The following DOT1L variants were observed in gnomAD, a reference collection of about 807,000 sequenced individuals.
DOT1L encodes histone-lysine N-methyltransferase, H3 lysine-79 specific.
Under a neutral mutation model 153.3 loss-of-function variants are expected in DOT1L, and 33 were observed. The observed-to-expected ratio is 0.22, with a 90% CI of 0.16 to 0.29. The LOEUF is 0.29. Ranked by LOEUF, DOT1L falls within the 10% of genes least tolerant of loss-of-function variation. The pLI, the probability that DOT1L is intolerant of heterozygous loss-of-function variation, is 1.00. For missense variants in DOT1L, 1,847 were observed against 2,119.9 expected, an observed-to-expected ratio of 0.87 and a Z score of 2.53; for synonymous variants, 1,135 against 965.1, an observed-to-expected ratio of 1.18 and a Z score of -3.26.
At position 2,216,630 on chromosome 19, in the gene DOT1L, C is replaced by G. The variant is rs776898259; in HGVS notation, c.2273C>G (p.Pro758Arg). ...TGTACCCCTAGCCACGTCGGCCGGC[C>G]GCGCCTGGAGAAGCTGTCTGGCCTA... The part of the protein sequence containing the change: ...VPCTPSHVGR[P>R]RLEKLSGLAA... The change falls in exon 20 of 28, where the codon CCG (proline) becomes CGG (arginine). Residue 758 changes from proline (P) to arginine (R), a missense_variant. Transcript: ENST00000398665. 1 of 1,605,728 alleles carries G rather than the reference C, an allele frequency of 6.2e-7. No homozygotes were observed. Among genetic ancestry groups the G allele is most frequent in the Non-Finnish European group, 8.5e-7 (1 of 1,179,910 alleles).
chr19:2,188,407 A>G (rs1413511061), intron 3 of DOT1L: 1 of 148,828 alleles, frequency 6.7e-6, no homozygotes, highest in African/African-American at 2.5e-5. Context: ...TGGGGTTGCC[A>G]TTGGGAGGAA....
At chr19:2,187,737 A>G (rs2022583960) in intron 3 of DOT1L, among the ~76,000 whole-genome samples, 1 of 152,142 alleles carries the variant, frequency 6.6e-6, no homozygotes, top group Non-Finnish European at 1.5e-5. Context: ...CCTCGCTAGC[A>G]CAGTGAAACC....
At chr19:2,218,134 A>T (rs994682094) in intron 22 of DOT1L, among the ~76,000 whole-genome samples, 2 of 152,152 alleles carry the variant, frequency 1.3e-5, no homozygotes, top group Non-Finnish European at 2.9e-5. Flanking sequence ...TACGTGTGCA[A>T]GTGGAGAGGG....
chr19:2,165,312 G>A (rs1410230450), intron 1 of DOT1L, among the ~76,000 whole-genome samples: 2 of 152,126 alleles, frequency 1.3e-5, no homozygotes, highest in African/African-American at 4.8e-5. Flanking sequence ...TCAGTTTTTG[G>A]AAACGTGCTC....
intron 7 of DOT1L, among the ~76,000 whole-genome samples, chr19:2,195,423 C>T (rs1288858192): frequency 6.6e-6 from 1 of 152,158 alleles, no homozygotes; most frequent in African/African-American, 2.4e-5. Context: ...CGCCCCGGGC[C>T]CATCTGCTCT....
rs1292020731 is a variant in DOT1L, at chr19:2,197,419, G to T, written c.652-2465G>T. ...GGTTCCCAGCGATGGCCAGGAGGGCGCCATGGTGCCTTCCTCCGCGCGGTC... is the reference window on the plus strand; with the variant it reads ...GGTTCCCAGCGATGGCCAGGAGGGCTCCATGGTGCCTTCCTCCGCGCGGTC... On this transcript the variant is annotated intron_variant, in intron 7 of 27. Coordinates refer to ENST00000398665, the MANE Select transcript of DOT1L (RefSeq NM_032482.3). The surrounding 1 kb of genome is among the most constrained non-coding windows in gnomAD (Gnocchi z 4.1). 6.6e-6 allele frequency among the ~76,000 whole-genome samples: 1 copy of T among 152,200 alleles called. No homozygotes were observed. The highest frequency in any genetic ancestry group is 2.4e-5 in the African/African-American group (1 of 41,456).
intron 1 of DOT1L, among the ~76,000 whole-genome samples, chr19:2,174,416 G>A (rs1340454699): frequency 1.3e-5 from 2 of 152,210 alleles, no homozygotes; most frequent in African/African-American, 4.8e-5. Context: ...GTTGGGCACA[G>A]TGGCTCACAT....
chr19:2,189,736 G>A lies in DOT1L; in HGVS notation c.205G>A (p.Glu69Lys), dbSNP rs758532148. 1.2e-6 allele frequency: 2 copies of A among 1,611,036 alleles called. No individual in the cohort carries two copies. Among genetic ancestry groups the A allele is most frequent in the Non-Finnish European group, 8.5e-7 (1 of 1,179,968 alleles). Residue 69 changes from glutamate to lysine, a missense_variant, in exon 4 of 28, where the codon GAG becomes AAG. This residue lies in a region of DOT1L where 148 missense variants were observed against 422.3 expected (regional missense o/e 0.35). Coordinates refer to ENST00000398665, the MANE Select transcript of DOT1L (RefSeq NM_032482.3). Reference protein sequence around the residue: ...VLIDYDTKSFESMQRLCDKYN... With the variant: ...VLIDYDTKSFKSMQRLCDKYN... ...GCCTTCCCTTGCCTTTTTCAGCTTC[G>A]AGAGCATGCAGAGGCTCTGCGACAA... is the stretch of plus-strand genomic sequence containing the variant.
rs557351278 is a variant in DOT1L at position 2,187,845 on chromosome 19, C to A, written c.201-1887C>A. ...GCTGAGGCAGGAGAATGGTGTGAAC[C>A]CGGGAGGCGGAGCTTGCAGTGAGCT... is the stretch of plus-strand genomic sequence containing the variant. On this transcript the variant is annotated intron_variant, in intron 3 of 27. Coordinates refer to ENST00000398665, the MANE Select transcript of DOT1L (RefSeq NM_032482.3). Among the ~76,000 whole-genome samples, 5 of 151,682 alleles carry A rather than the reference C, an allele frequency of 3.3e-5. No homozygotes were observed. In the South Asian group the frequency reaches 1.0e-3, roughly 32 times the overall value.
Position 2,216,601 on chromosome 19 carries a change from G to A in DOT1L, c.2244G>A (p.Val748=). 1 of 1,607,702 alleles carries A rather than the reference G, an allele frequency of 6.2e-7. No homozygotes were observed. Among genetic ancestry groups the A allele is most frequent in the Non-Finnish European group, 8.5e-7 (1 of 1,179,908 alleles). Residue 748 remains valine (V), a synonymous_variant, in exon 20 of 28, where the codon GTG becomes GTA. Coordinates refer to ENST00000398665, the MANE Select transcript of DOT1L (RefSeq NM_032482.3). ...YLASPLDQEV[V]PCTPSHVGRP... ...CCTCACCCCTGGACCAGGAGGTGGT[G>A]CCCTGTACCCCTAGCCACGTCGGCC...
rs528332034 is a variant in DOT1L at position 2,187,388 on chromosome 19, G to C, written c.200+1459G>C. Among the ~76,000 whole-genome samples, 5 of 152,298 alleles carry C rather than the reference G, an allele frequency of 3.3e-5. No homozygotes were observed. In the South Asian group the frequency reaches 1.0e-3, roughly 32 times the overall value. On this transcript the variant is annotated intron_variant, in intron 3 of 27. Coordinates refer to ENST00000398665, the MANE Select transcript of DOT1L (RefSeq NM_032482.3). ...TGGGTGTGTGGCGTCCTTCCTCTTCGCGTGGGATGGGCTTAGCCAAGGCTG... is the reference window on the plus strand; with the variant it reads ...TGGGTGTGTGGCGTCCTTCCTCTTCCCGTGGGATGGGCTTAGCCAAGGCTG...
rs760884901 is a variant in DOT1L, at chr19:2,227,830, C to T, written c.4606+703C>T. 5.4e-6 allele frequency: 7 copies of T among 1,294,380 alleles called. No homozygotes were observed. The South Asian group carries it at 7.4e-5, about 14-fold the overall frequency. 80.2% of individuals were successfully genotyped at this position (1,294,380 alleles called of 1,614,324 possible). ...GCATGTGGCAGCGCCACACTGGGCCCGAGCCCGCTGCAGGCGGCGGCCAGC... is the reference window on the plus strand; with the variant it reads ...GCATGTGGCAGCGCCACACTGGGCCTGAGCCCGCTGCAGGCGGCGGCCAGC... On this transcript the variant is annotated intron_variant, in intron 27 of 27. Coordinates refer to ENST00000398665, the MANE Select transcript of DOT1L (RefSeq NM_032482.3).
In DOT1L at chr19:2,226,593, G is replaced by T; in HGVS notation, c.4072G>T (p.Gly1358Cys). The T allele has an allele frequency of 6.3e-7, 1 of 1,598,984 alleles. No individual in the cohort carries two copies. Among genetic ancestry groups the T allele is most frequent in the Non-Finnish European group, 8.5e-7 (1 of 1,177,140 alleles). ...CCCGCTGAGCTTCCCCTCGCAGCGCGGCAAGGAGGGCTCGGACGCCAACCC... is the reference window on the plus strand; with the variant it reads ...CCCGCTGAGCTTCCCCTCGCAGCGCTGCAAGGAGGGCTCGGACGCCAACCC... ...SSPLSFPSQRGKEGSDANPFL... is the reference protein window; with the variant it reads ...SSPLSFPSQRCKEGSDANPFL... The change falls in exon 27 of 28, where the codon GGC (glycine) becomes TGC (cysteine). Residue 1358 changes from glycine to cysteine, a missense_variant. Around this residue, in one of 8 missense-constraint regions of DOT1L, gnomAD observed 934 missense variants for 825.3 expected, o/e 1.13. Coordinates refer to ENST00000398665, the MANE Select transcript of DOT1L (RefSeq NM_032482.3).
In DOT1L at chr19:2,226,195, C is replaced by T. The variant is rs762727256; in HGVS notation, c.3674C>T (p.Ala1225Val). The change falls in exon 27 of 28, where the codon GCG becomes GTG. Residue 1225 changes from alanine (A) to valine (V), a missense_variant. By Grantham distance (64) the Ala-to-Val change is moderately conservative. Transcript: ENST00000398665. ...TCCTCTTTGCCAGGTGGTGGCTTGG[C>T]GGGAAGGAAGCCCGCGCCCGCCGGC... ...PKTLENGGGLAGRKPAPAGEP... is the reference protein window; with the variant it reads ...PKTLENGGGLVGRKPAPAGEP... The T allele has an allele frequency of 2.0e-5, 31 of 1,514,248 alleles. No individual in the cohort carries two copies. Among genetic ancestry groups the T allele is most frequent in the South Asian group, 1.9e-4 (14 of 75,586 alleles). 93.8% of individuals were successfully genotyped at this position (1,514,248 alleles called of 1,614,324 possible). A position where few individuals can be genotyped will look rare whatever the true frequency, so the allele number is the denominator to read the frequency against.
Position 2,222,951 on chromosome 19 carries a change from G to C in DOT1L, c.3391-330G>C, listed in dbSNP as rs80266336. The C allele has an allele frequency of 4.5e-6, 2 of 440,726 alleles. No individual in the cohort carries two copies. The highest frequency in any genetic ancestry group is 8.0e-5 in the East Asian group (2 of 24,970). The allele number at this position is 440,726 out of a possible 1,614,324, so 27.3% of individuals were successfully genotyped here. A position where few individuals can be genotyped will look rare whatever the true frequency, so the allele number is the denominator to read the frequency against. Reference sequence around the variant, plus strand: ...ACTGAGCCCGGCCATCCTCCACCACGTGCGGCCTGGCAGCCTGGGAAGAGG... The same window carrying C: ...ACTGAGCCCGGCCATCCTCCACCACCTGCGGCCTGGCAGCCTGGGAAGAGG... On this transcript the variant is annotated intron_variant, in intron 24 of 27. Coordinates refer to ENST00000398665, the MANE Select transcript of DOT1L (RefSeq NM_032482.3). The surrounding 1 kb of genome is among the most constrained non-coding windows in gnomAD (Gnocchi z 6.5).
At chr19:2,211,928 G>A in intron 16 of DOT1L, 86 bp downstream of exon 16, 2 of 1,309,800 alleles carry the variant, frequency 1.5e-6, no homozygotes, top group Non-Finnish European at 2.1e-6. Flanking sequence ...TGTGGCAGAG[G>A]CCCTGGAGCG....
intron 2 of DOT1L, among the ~76,000 whole-genome samples, chr19:2,184,584 A>G (rs2022403636): frequency 6.6e-6 from 1 of 152,104 alleles, no homozygotes; most frequent in South Asian, 2.1e-4. Context: ...GCAGAGCCGC[A>G]GGCCAGGTGG....
At chr19:2,206,219 C>T (rs943745321) in intron 9 of DOT1L, among the ~76,000 whole-genome samples, 5 of 151,992 alleles carry the variant, frequency 3.3e-5, no homozygotes, top group African/African-American at 2.4e-5. Context: ...AGGCTGGCCT[C>T]GGGTGATCCA....
chr19:2,164,094 C>G lies in DOT1L; in HGVS notation c.-91C>G, dbSNP rs1477345691. ...GCCCCCTCCCCTCAGCCTCCCGCCC[C>G]TCCCTCCCGCCCGCCCTCCTCCGCC... On this transcript the variant is annotated 5_prime_UTR_variant, in exon 1 of 28. Transcript: ENST00000398665. 6.7e-6 allele frequency: 1 copy of G among 150,316 alleles called. No individual in the cohort carries two copies. The highest frequency in any genetic ancestry group is 1.4e-5 in the Non-Finnish European group (1 of 69,066). 9.3% of individuals were successfully genotyped at this position (150,316 alleles called of 1,614,324 possible).
Sources: allele counts gnomAD v4.1 joint callset (sites outside exome capture counted in the v4.1 genomes callset), GRCh38; gene constraint gnomAD v4.1.1; regional missense constraint gnomAD v4.1.1; non-coding constraint Gnocchi (gnomAD v3.1); transcripts MANE v1.5; gene names NCBI Gene and HGNC (gene_info 2026-07-23, HGNC 2026-07-21).